Variants in IQCK observed in about 807,000 individuals in gnomAD.
IQCK encodes the protein IQ domain-containing protein K.
IQCK carries 29 observed loss-of-function variants against 28.1 expected under a neutral mutation model. The observed-to-expected ratio is 1.03, with a 90% CI of 0.77 to 1.41. The LOEUF (loss-of-function observed/expected upper bound fraction) is 1.41. Ranked by LOEUF, IQCK falls within the 40% of genes most tolerant of loss-of-function variation. The pLI, the probability that IQCK is intolerant of heterozygous loss-of-function variation, is 0.00. For missense variants in IQCK, 359 were observed against 314.7 expected (o/e 1.14, Z -1.07); for synonymous variants, 113 against 115.1 (o/e 0.98, Z 0.12).
intron 9 of IQCK, among the ~76,000 whole-genome samples, chr16:19,855,497 A>G (rs549711003): frequency 6.6e-6 from 1 of 152,282 alleles, no homozygotes; most frequent in South Asian, 2.1e-4. Flanking sequence ...AGGCAGGAGA[A>G]TCGCTTGAAC....
intron 1 of IQCK, among the ~76,000 whole-genome samples, chr16:19,724,104 T>G (rs1035917177): frequency 1.3e-5 from 2 of 152,172 alleles, no homozygotes; most frequent in African/African-American, 4.8e-5. Context: ...CACACAAAAC[T>G]ATTCCTCCAG....
At chr16:19,851,703 G>A (rs557250087) in intron 9 of IQCK, among the ~76,000 whole-genome samples, 41 of 152,284 alleles carry the variant, frequency 2.7e-4, no homozygotes, top group Admixed American at 1.2e-3. Flanking sequence ...GAACTGGCTG[G>A]GCACCAGCCT....
intron 6 of IQCK, among the ~76,000 whole-genome samples, chr16:19,770,187 G>A (rs1040978997): frequency 2.0e-5 from 3 of 152,272 alleles, no homozygotes; most frequent in East Asian, 3.9e-4. Flanking sequence ...GGGCTGAACC[G>A]AGGGGTAGCC....
chr16:19,754,566 T>C (rs1396617174), intron 4 of IQCK, among the ~76,000 whole-genome samples: 1 of 152,194 alleles, frequency 6.6e-6, no homozygotes, highest in Non-Finnish European at 1.5e-5. Context: ...GACAAGTTCT[T>C]TGATGATCTC....
intron 9 of IQCK, among the ~76,000 whole-genome samples, chr16:19,856,101 T>TGG (rs2056556441): frequency 6.6e-6 from 1 of 151,852 alleles, no homozygotes; most frequent in East Asian, 1.9e-4. Flanking sequence ...ATACCCTGAG[T>TGG]TTTCCATTTT....
At chr16:19,857,031 C>T (rs2141132542) in exon 10 of IQCK, 1 of 167,512 alleles carries the variant, frequency 6.0e-6, no homozygotes, top group Non-Finnish European at 1.3e-5. Context: ...CAAAGGAGAC[C>T]ACTCCTTAAC....
intron 1 of IQCK, among the ~76,000 whole-genome samples, chr16:19,722,228 GAGAA>G (rs879337291): frequency 0.054 from 8,246 of 152,202 alleles, 699 homozygotes; most frequent in African/African-American, 0.18. Context: ...TGCGTTCACT[GAGAA>G]GAGTCAGGCA....
intron 4 of IQCK, among the ~76,000 whole-genome samples, chr16:19,745,763 T>G (rs1178082056): frequency 6.6e-6 from 1 of 152,226 alleles, no homozygotes; most frequent in Non-Finnish European, 1.5e-5. Context: ...GTCACTCATG[T>G]GACTGCGTTC....
chr16:19,815,913 A>T (rs1310449695), intron 7 of IQCK, among the ~76,000 whole-genome samples: 1 of 152,210 alleles, frequency 6.6e-6, no homozygotes. Context: ...TCTTGAGTAT[A>T]AAATCCTCCA....
At chr16:19,766,850 A>G (rs1272416931) in intron 6 of IQCK, among the ~76,000 whole-genome samples, 2 of 152,200 alleles carry the variant, frequency 1.3e-5, no homozygotes, top group Non-Finnish European at 2.9e-5. Context: ...TGGGTAGGTC[A>G]CTTGAGGTCA....
rs369641955 is a variant in IQCK, at chr16:19,777,773, G to A, written c.606-11065G>A. Among the ~76,000 whole-genome samples, 7 of 152,126 alleles carry A rather than the reference G, an allele frequency of 4.6e-5. No individual in the cohort carries two copies. The East Asian group carries it at 9.7e-4, about 21-fold the overall frequency. ...GCTGTTTAAGAACCAGTTCAGGGCC[G>A]GGCACGGTGGCTCACGCCTGTAATC... On this transcript the variant is annotated intron_variant, in intron 6 of 7. Coordinates refer to ENST00000564186, the Ensembl canonical transcript of IQCK.
chr16:19,822,327 A>G (rs1032508859), intron 7 of IQCK, among the ~76,000 whole-genome samples: 1 of 144,044 alleles, frequency 6.9e-6, no homozygotes, highest in African/African-American at 2.6e-5. Flanking sequence ...CAGAGGTTGC[A>G]GTGAGCTGAG....
At chr16:19,749,650 C>CA (rs2054959015) in intron 4 of IQCK, among the ~76,000 whole-genome samples, 1 of 151,988 alleles carries the variant, frequency 6.6e-6, no homozygotes, top group Admixed American at 6.6e-5. Context: ...CCTGTAGTCC[C>CA]AGGTACTCAG....
intron 6 of IQCK, among the ~76,000 whole-genome samples, chr16:19,770,715 C>T (rs574644635): frequency 4.6e-5 from 7 of 152,168 alleles, no homozygotes; most frequent in African/African-American, 1.4e-4. Flanking sequence ...CTCTGCCTCC[C>T]GGGTTCAAGT....
chr16:19,775,051 T>C (rs13335860), intron 6 of IQCK, among the ~76,000 whole-genome samples: 27,353 of 151,468 alleles, frequency 0.18, 2,556 homozygotes, highest in South Asian at 0.27. Flanking sequence ...CATGGTGAAA[T>C]CCCATCTCTA....
chr16:19,727,130 C>A (rs566776876), intron 1 of IQCK, among the ~76,000 whole-genome samples: 2,349 of 98,244 alleles, frequency 0.024, 46 homozygotes, highest in African/African-American at 0.07. Flanking sequence ...GACTCGGTCT[C>A]AAAAAAAAAA....
chr16:19,828,187 C>G (rs1338026544), downstream of IQCK, among the ~76,000 whole-genome samples: 1 of 150,754 alleles, frequency 6.6e-6, no homozygotes, highest in Non-Finnish European at 1.5e-5. Context: ...GCTGGGATTA[C>G]AGGCATGAGC....
chr16:19,781,182 A>G (rs1004506270), intron 6 of IQCK, among the ~76,000 whole-genome samples: 1 of 152,208 alleles, frequency 6.6e-6, no homozygotes, highest in African/African-American at 2.4e-5. Context: ...ATGTGTAATC[A>G]GTTACAAAGA....
At chr16:19,840,303 C>T (rs1212621260) in intron 9 of IQCK, among the ~76,000 whole-genome samples, 1 of 152,026 alleles carries the variant, frequency 6.6e-6, no homozygotes, top group Non-Finnish European at 1.5e-5. Flanking sequence ...TTGCAGTGAG[C>T]CAAGATCGCA....
Sources: gnomAD v4.1 joint callset for allele counts (sites outside exome capture counted in the v4.1 genomes callset) on GRCh38, gnomAD v4.1.1 for gene constraint, MANE v1.5 for transcripts, NCBI Gene and HGNC (gene_info 2026-07-23, HGNC 2026-07-21) for gene names.